MLYCD: variants seen among roughly 807,000 people sequenced by gnomAD.
MLYCD encodes malonyl-CoA decarboxylase, mitochondrial.
A neutral mutation model predicts 35.8 loss-of-function variants in MLYCD; 27 were observed. The ratio of observed to expected loss-of-function variants is 0.75; its 90% CI spans 0.56 to 1.04. The LOEUF is 1.04. MLYCD is among the 50% of genes least tolerant of loss of function. The pLI is 0.00. For synonymous variants in MLYCD, 403 were observed against 302.4 expected, an observed-to-expected ratio of 1.33 and a Z score of -3.45; for missense variants, 917 against 665.1, an observed-to-expected ratio of 1.38 and a Z score of -4.17.
At chr16:83,913,893 A>G (rs1323884537) in intron 4 of MLYCD, 1 of 151,854 alleles carries the variant, frequency 6.6e-6, no homozygotes, top group Non-Finnish European at 1.5e-5. Flanking sequence ...ATGGTGAGGA[A>G]AATCATAATA....
At position 83,915,256 on chromosome 16, in the gene MLYCD, A is replaced by T. The variant is rs779473261; in HGVS notation, c.1249A>T (p.Asn417Tyr). The change falls in exon 5 of 5, where the codon AAC (asparagine) becomes TAC (tyrosine). Residue 417 changes from asparagine (N) to tyrosine (Y), a missense_variant. By Grantham distance (143) the Asn-to-Tyr change is moderately radical. Transcript: ENST00000262430. ...AGAGAAGCACCGCGGCTACGCGCTG[A>T]ACCCCGTGGCCAACTTCCACCTGCA... ...YGEKHRGYAL[N>Y]PVANFHLQNG... The T allele has an allele frequency of 1.2e-6, 2 of 1,612,444 alleles. No individual in the cohort carries two copies. The highest frequency in any genetic ancestry group is 1.7e-5 in the Admixed American group (1 of 59,974).
rs66579515 is a variant in MLYCD at position 83,919,779 on chromosome 16, A to G, written c.*4290A>G. ...GTGCACAGGAGAACACATGGTGCACAGGAGAACACACGGTGTACAGAACAC... is the reference window on the plus strand; with the variant it reads ...GTGCACAGGAGAACACATGGTGCACGGGAGAACACACGGTGTACAGAACAC... On this transcript the variant is annotated 3_prime_UTR_variant, in exon 5 of 5. Coordinates refer to ENST00000262430, the MANE Select transcript of MLYCD (RefSeq NM_012213.3). 49,242 of 151,564 alleles carry G rather than the reference A, an allele frequency of 0.32. 8,087 individuals are homozygous for G. The highest frequency in any genetic ancestry group is 0.35 in the Admixed American group (5,300 of 15,206). 9.4% of individuals were successfully genotyped at this position (151,564 alleles called of 1,614,324 possible). A position where few individuals can be genotyped will look rare whatever the true frequency, so the allele number is the denominator to read the frequency against.
intron 1 of MLYCD, among the ~76,000 whole-genome samples, chr16:83,900,861 G>C (rs1308006538): frequency 6.6e-6 from 1 of 152,174 alleles, no homozygotes. Context: ...AGAACATGCT[G>C]AGGTTGTGTT....
At chr16:83,905,137 C>A (rs529086276) in intron 1 of MLYCD, among the ~76,000 whole-genome samples, 2 of 151,910 alleles carry the variant, frequency 1.3e-5, no homozygotes, top group Non-Finnish European at 2.9e-5. Flanking sequence ...ACAGGAGAAT[C>A]GCTTGAACCT....
chr16:83,923,477 A>G lies in MLYCD; in HGVS notation c.*7988A>G, dbSNP rs919903713. On this transcript the variant is annotated 3_prime_UTR_variant, in exon 5 of 5. Coordinates refer to ENST00000262430, the MANE Select transcript of MLYCD (RefSeq NM_012213.3). ...TCTCTGTCTCGCCTTTGTTTGGTTT[A>G]TTTCCACATTGCATTTGCGTTTCCC... 6.6e-6 allele frequency: 1 copy of G among 152,160 alleles called. No homozygotes were observed. The highest frequency in any genetic ancestry group is 1.5e-5 in the Non-Finnish European group (1 of 68,022). 9.4% of individuals were successfully genotyped at this position (152,160 alleles called of 1,614,324 possible). A position where few individuals can be genotyped will look rare whatever the true frequency, so the allele number is the denominator to read the frequency against.
At position 83,915,941 on chromosome 16, in the gene MLYCD, T is replaced by G. The variant is rs1400563356; in HGVS notation, c.*452T>G. 3.3e-5 allele frequency: 35 copies of G among 1,070,310 alleles called. No individual in the cohort carries two copies. Among genetic ancestry groups the G allele is most frequent in the Non-Finnish European group, 3.9e-5 (34 of 880,406 alleles). 66.3% of individuals were successfully genotyped at this position (1,070,310 alleles called of 1,614,324 possible). On this transcript the variant is annotated 3_prime_UTR_variant, in exon 5 of 5. Transcript: ENST00000262430. ...ATGCGGCGATGGTTGCTTTAGCCGT[T>G]TCTCACCATGCAATGCAGAGGGACA...
At position 83,907,075 on chromosome 16, in the gene MLYCD, G is replaced by C; in HGVS notation, c.617G>C (p.Cys206Ser). 6.2e-7 allele frequency: 1 copy of C among 1,614,096 alleles called. No individual in the cohort carries two copies. Residue 206 changes from cysteine (C) to serine (S), a missense_variant, in exon 2 of 5, where the codon TGT becomes TCT. By Grantham distance (112) the Cys-to-Ser change is moderately radical. Coordinates refer to ENST00000262430, the MANE Select transcript of MLYCD (RefSeq NM_012213.3). The stretch of plus-strand genomic sequence containing the variant: ...GAACGGGTTACCTGGCATTCACCGT[G>C]TGAAGTGCTTCAGAAAATCAGTGAG... ...NLERVTWHSP[C>S]EVLQKISEAE...
Position 83,919,202 on chromosome 16 carries a change from CAGG to C in MLYCD, c.*3716_*3718del, listed in dbSNP as rs1474889337. Reference sequence around the variant, plus strand: ...CACAGGAGAATTCACACACAATGCACAGGAGAACACAGTGCACAGGAGAACACA... The same window carrying C: ...CACAGGAGAATTCACACACAATGCACAGAACACAGTGCACAGGAGAACACA... On this transcript the variant is annotated 3_prime_UTR_variant, in exon 5 of 5. Coordinates refer to ENST00000262430, the MANE Select transcript of MLYCD (RefSeq NM_012213.3). The C allele has an allele frequency of 1.4e-5, 2 of 138,410 alleles. No individual in the cohort carries two copies. The highest frequency in any genetic ancestry group is 1.5e-4 in the Admixed American group (2 of 13,748). The allele number at this position is 138,410 out of a possible 1,614,324, so 8.6% of individuals were successfully genotyped here.
intron 1 of MLYCD, among the ~76,000 whole-genome samples, chr16:83,903,111 A>G (rs1318429484): frequency 6.6e-6 from 1 of 152,106 alleles, no homozygotes; most frequent in Non-Finnish European, 1.5e-5. Flanking sequence ...ATTTGTGGGC[A>G]CTCGAGGAAG....
At chr16:83,914,184 G>A (rs1205166433) in intron 4 of MLYCD, 2 of 152,366 alleles carry the variant, frequency 1.3e-5, no homozygotes, top group African/African-American at 4.8e-5. Context: ...TCAGAAAGTA[G>A]CAGATTGTTT....
In MLYCD at chr16:83,914,976, G is replaced by C; in HGVS notation, c.969G>C (p.Gly323=). 1 of 1,614,200 alleles carries C rather than the reference G, an allele frequency of 6.2e-7. No individual in the cohort carries two copies. Among genetic ancestry groups the C allele is most frequent in the Non-Finnish European group, 8.5e-7 (1 of 1,180,046 alleles). Residue 323 remains glycine, a synonymous_variant, in exon 5 of 5, where the codon GGG becomes GGC. Transcript: ENST00000262430. The part of the protein sequence containing the change: ...KELQREFPHL[G]VFSSLSPIPG... ...TACAGAGAGAGTTTCCTCACCTTGG[G>C]GTGTTTTCAAGTCTGTCACCTATAC...
rs745388263 is a variant in MLYCD at position 83,915,517 on chromosome 16, C to A, written c.*28C>A. On this transcript the variant is annotated 3_prime_UTR_variant, in exon 5 of 5. Transcript: ENST00000262430. Reference sequence around the variant, plus strand: ...GTAAACCTCTCCTAAAGCACAGGGCCCCGGCTAAGAAAACGATCATTTTCA... The same window carrying A: ...GTAAACCTCTCCTAAAGCACAGGGCACCGGCTAAGAAAACGATCATTTTCA... 11 of 1,604,540 alleles carry A rather than the reference C, an allele frequency of 6.9e-6. No homozygotes were observed. The highest frequency in any genetic ancestry group is 9.3e-6 in the Non-Finnish European group (11 of 1,179,688).
Position 83,899,554 on chromosome 16 carries a change from A to T in MLYCD, c.410A>T (p.Tyr137Phe). Residue 137 changes from tyrosine to phenylalanine, a missense_variant, in exon 1 of 5, where the codon TAT (tyrosine) becomes TTT (phenylalanine). Coordinates refer to ENST00000262430, the MANE Select transcript of MLYCD (RefSeq NM_012213.3). ...CTGCGCTACGCGCTGGTGCCGCGCTATCGCGGCCTCTTCCACCACATCAGC... is the reference window on the plus strand; with the variant it reads ...CTGCGCTACGCGCTGGTGCCGCGCTTTCGCGGCCTCTTCCACCACATCAGC... ...DRLRYALVPR[Y>F]RGLFHHISKL... 2 of 1,592,914 alleles carry T rather than the reference A, an allele frequency of 1.3e-6. No homozygotes were observed. Among genetic ancestry groups the T allele is most frequent in the Admixed American group, 3.3e-5 (2 of 59,770 alleles).
chr16:83,913,846 A>G (rs1356591120), intron 4 of MLYCD: 8 of 151,272 alleles, frequency 5.3e-5, no homozygotes, highest in East Asian at 3.9e-4. Context: ...TGGGGGAAAA[A>G]CCCCGGGAGC....
chr16:83,904,559 C>A (rs1906909872), intron 1 of MLYCD, among the ~76,000 whole-genome samples: 1 of 152,188 alleles, frequency 6.6e-6, no homozygotes, highest in Admixed American at 6.5e-5. Flanking sequence ...CCATCTTTTT[C>A]ATTTGATATC....
Position 83,915,551 on chromosome 16 carries a change from C to T in MLYCD, c.*62C>T, listed in dbSNP as rs562616029. On this transcript the variant is annotated 3_prime_UTR_variant, in exon 5 of 5. Coordinates refer to ENST00000262430, the MANE Select transcript of MLYCD (RefSeq NM_012213.3). ...GAAAACGATCATTTTCAGGAGGGGC[C>T]GGGAGTTATGTATCTGAAGCAGCTT... is the stretch of plus-strand genomic sequence containing the variant. 2.1e-5 allele frequency: 34 copies of T among 1,585,888 alleles called. No homozygotes were observed. The highest frequency in any genetic ancestry group is 6.8e-5 in the South Asian group (6 of 88,844).
intron 3 of MLYCD, among the ~76,000 whole-genome samples, chr16:83,908,542 A>G (rs895742622): frequency 1.3e-5 from 2 of 152,212 alleles, no homozygotes; most frequent in African/African-American, 2.4e-5. Context: ...GTTAAAGTCT[A>G]TCACAGAACA....
rs1353943032 is a variant in MLYCD at position 83,902,154 on chromosome 16, CGTATAT to C, written c.528+2483_528+2488del. Among the ~76,000 whole-genome samples the C allele has an allele frequency of 9.7e-3, 822 of 84,436 alleles. 11 individuals carry two copies. The highest frequency in any genetic ancestry group is 0.033 in the African/African-American group (763 of 23,406). The allele number at this position is 84,436 out of a possible 152,430, so 55.4% of individuals were successfully genotyped here. On this transcript the variant is annotated intron_variant, in intron 1 of 4. Transcript: ENST00000262430. ...ATATGTGTGTGTGTGTGTGTGCGTG[CGTATAT>C]ATATATATATATATATATATATATA...
Position 83,915,659 on chromosome 16 carries a change from G to C in MLYCD, c.*170G>C. 6.7e-7 allele frequency: 1 copy of C among 1,501,430 alleles called. No homozygotes were observed. Among genetic ancestry groups the C allele is most frequent in the Non-Finnish European group, 8.9e-7 (1 of 1,128,536 alleles). The allele number at this position is 1,501,430 out of a possible 1,614,324, so 93.0% of individuals were successfully genotyped here. A position where few individuals can be genotyped will look rare whatever the true frequency, so the allele number is the denominator to read the frequency against. ...GCCAGGCCTCAACTTCCCTCACCCT[G>C]GGCGTGACATGCACCCAGTGCAAGA... On this transcript the variant is annotated 3_prime_UTR_variant, in exon 5 of 5. Coordinates refer to ENST00000262430, the MANE Select transcript of MLYCD (RefSeq NM_012213.3).
Sources: gnomAD v4.1 joint callset for allele counts (sites outside exome capture counted in the v4.1 genomes callset) on GRCh38, gnomAD v4.1.1 for gene constraint, MANE v1.5 for transcripts, NCBI Gene and HGNC (gene_info 2026-07-23, HGNC 2026-07-21) for gene names.